Variants in LPIN1 observed in about 807,000 individuals in gnomAD.
LPIN1 encodes the protein lipin 1.
LPIN1 carries 71 observed loss-of-function variants against 107.5 expected under a neutral mutation model. The observed-to-expected ratio is 0.66, with a 90% confidence interval of 0.55 to 0.80. The LOEUF is 0.80. Among genes scored for constraint, LPIN1 ranks in the 30% least tolerant of loss-of-function variants. The pLI, the probability that LPIN1 is intolerant of heterozygous loss-of-function variation, is 0.00. For missense variants in LPIN1, 1,043 were observed against 1,160.6 expected, an observed-to-expected ratio of 0.90 and a Z score of 1.47; for synonymous variants, 445 against 452.6, an observed-to-expected ratio of 0.98 and a Z score of 0.21.
At position 11,693,783 on chromosome 2, in the gene LPIN1, A is replaced by AGT. The variant is rs1251379087; in HGVS notation, c.81+16060_81+16061dup. Among the ~76,000 whole-genome samples, 192 of 71,574 alleles carry AGT rather than the reference A, an allele frequency of 2.7e-3. 2 individuals are homozygous for AGT. Among genetic ancestry groups the AGT allele is most frequent in the African/African-American group, 0.012 (161 of 13,294 alleles). The allele number at this position is 71,574 out of a possible 152,430, so 47.0% of individuals were successfully genotyped here. A position where few individuals can be genotyped will look rare whatever the true frequency, so the allele number is the denominator to read the frequency against. On this transcript the variant is annotated intron_variant, in intron 1 of 21. Transcript: ENST00000449576. ...CAAGAGCCATATATGTGTGTGTGTG[A>AGT]GTGTGTATATATATATATATATATA...
intron 1 of LPIN1, among the ~76,000 whole-genome samples, chr2:11,759,436 C>A (rs777606922): frequency 6.6e-6 from 1 of 152,042 alleles, no homozygotes; most frequent in Non-Finnish European, 1.5e-5. Context: ...CATCTTGCAC[C>A]GCCCTTAATC....
intron 1 of LPIN1, among the ~76,000 whole-genome samples, chr2:11,696,231 G>A (rs1662572611): frequency 6.7e-6 from 1 of 150,000 alleles, no homozygotes; most frequent in Admixed American, 6.7e-5. Flanking sequence ...CCCTCCCTGT[G>A]TCCATGTGTT....
chr2:11,728,593 C>T (rs1165644562), intron 1 of LPIN1, among the ~76,000 whole-genome samples: 1 of 152,070 alleles, frequency 6.6e-6, no homozygotes, highest in Admixed American at 6.5e-5. Context: ...ACCATGTTGC[C>T]CAGGCTGGTC....
At chr2:11,795,066 T>C (rs1278177889) in intron 13 of LPIN1, among the ~76,000 whole-genome samples, 1 of 152,208 alleles carries the variant, frequency 6.6e-6, no homozygotes, top group Non-Finnish European at 1.5e-5. Context: ...CAAGAAAATA[T>C]TTTGAAAGGC....
At chr2:11,682,748 T>C (rs2148500561) in intron 1 of LPIN1, 1 of 152,322 alleles carries the variant, frequency 6.6e-6, no homozygotes, top group Non-Finnish European at 1.5e-5. Flanking sequence ...GGTGTCACCA[T>C]CTCGGTGTCC....
At chr2:11,716,976 T>C (rs538722928) in intron 2 of LPIN1, among the ~76,000 whole-genome samples, 1 of 152,336 alleles carries the variant, frequency 6.6e-6, no homozygotes, top group South Asian at 2.1e-4. Flanking sequence ...CCTGGCCCAG[T>C]TACTGGAAAC....
At chr2:11,726,281 C>T (rs1404958073) in intron 1 of LPIN1, among the ~76,000 whole-genome samples, 1 of 152,162 alleles carries the variant, frequency 6.6e-6, no homozygotes, top group African/African-American at 2.4e-5. Context: ...CAGGACAAAA[C>T]GCTAACTCCT....
chr2:11,680,291 C>T (rs774326241), intron 1 of LPIN1, among the ~76,000 whole-genome samples: 62 of 152,170 alleles, frequency 4.1e-4, no homozygotes, highest in Non-Finnish European at 6.5e-4. Flanking sequence ...CGTGAGCCCT[C>T]GGAGGCACCT....
At chr2:11,702,827 A>G (rs1662940466) in intron 1 of LPIN1, among the ~76,000 whole-genome samples, 1 of 151,614 alleles carries the variant, frequency 6.6e-6, no homozygotes, top group African/African-American at 2.4e-5. Flanking sequence ...GGCACAAGCT[A>G]CTCTTGTTTG....
At position 11,791,896 on chromosome 2, in the gene LPIN1, A is replaced by G. The variant is rs1183919023; in HGVS notation, c.1714-18A>G. On this transcript the variant is annotated intron_variant, in intron 12 of 20. Transcript: ENST00000674199. Reference sequence around the variant, plus strand: ...CTTTTTTTGTTCCATTATTTATGTTACCATCCATTTAAAACAGGCCACTGT... The same window carrying G: ...CTTTTTTTGTTCCATTATTTATGTTGCCATCCATTTAAAACAGGCCACTGT... 3.1e-6 allele frequency: 5 copies of G among 1,612,400 alleles called. No individual in the cohort carries two copies. The highest frequency in any genetic ancestry group is 2.2e-5 in the East Asian group (1 of 44,832).
Position 11,757,864 on chromosome 2 carries a change from T to G in LPIN1, c.-9-7669T>G, listed in dbSNP as rs560228035. 2.0e-5 allele frequency among the ~76,000 whole-genome samples: 3 copies of G among 152,358 alleles called. No homozygotes were observed. In the South Asian group the frequency reaches 6.2e-4, roughly 32 times the overall value. On this transcript the variant is annotated intron_variant, in intron 1 of 20. Coordinates refer to ENST00000674199, the MANE Select transcript of LPIN1 (RefSeq NM_001349206.2). ...CATAAAATTTGCCATTTTAACCATC[T>G]TTAAGTGTGTGGTTCAGTGGCAAAA...
intron 1 of LPIN1, among the ~76,000 whole-genome samples, chr2:11,750,887 A>G (rs975500456): frequency 2.6e-5 from 4 of 152,210 alleles, no homozygotes; most frequent in African/African-American, 7.2e-5. Context: ...ATACAGAAAT[A>G]AAGTTATAAG....
intron 1 of LPIN1, chr2:11,683,125 C>T (rs529831393): frequency 1.3e-5 from 2 of 152,310 alleles, no homozygotes; most frequent in South Asian, 4.1e-4. Flanking sequence ...GTTTGTGACG[C>T]TTGTGATTGT....
At chr2:11,805,282 G>A (rs1281226485) in intron 17 of LPIN1, 126 bp downstream of exon 17, 20 of 760,332 alleles carry the variant, frequency 2.6e-5, no homozygotes, top group South Asian at 2.5e-4. Flanking sequence ...CAACCAGGGA[G>A]GGGCAGTGGG....
chr2:11,736,494 T>G (rs1020813154), intron 1 of LPIN1, among the ~76,000 whole-genome samples: 4 of 152,154 alleles, frequency 2.6e-5, no homozygotes, highest in Non-Finnish European at 2.9e-5. Context: ...TCATCTGAAC[T>G]TAATCACCTC....
intron 1 of LPIN1, among the ~76,000 whole-genome samples, chr2:11,706,277 G>C (rs1663125714): frequency 6.6e-6 from 1 of 152,212 alleles, no homozygotes; most frequent in Non-Finnish European, 1.5e-5. Context: ...TGAACTGCAG[G>C]GTGGTACAGG....
chr2:11,733,364 T>C (rs1665446352), intron 1 of LPIN1, among the ~76,000 whole-genome samples: 1 of 152,178 alleles, frequency 6.6e-6, no homozygotes. Context: ...TATGAAAGTG[T>C]ATGGACACAA....
intron 1 of LPIN1, among the ~76,000 whole-genome samples, chr2:11,748,617 T>C (rs1667320157): frequency 6.6e-6 from 1 of 152,200 alleles, no homozygotes; most frequent in South Asian, 2.1e-4. Flanking sequence ...GTTGGGACAG[T>C]CCTGGCTGAC....
At chr2:11,717,657 A>C (rs4668740) in intron 2 of LPIN1, among the ~76,000 whole-genome samples, 1 of 152,136 alleles carries the variant, frequency 6.6e-6, no homozygotes, top group Non-Finnish European at 1.5e-5. Context: ...TTTAAAAAAA[A>C]TTATTTAGCA....
Sources: allele counts gnomAD v4.1 joint callset (sites outside exome capture counted in the v4.1 genomes callset), GRCh38; gene constraint gnomAD v4.1.1; transcripts MANE v1.5; gene names NCBI Gene and HGNC (gene_info 2026-07-23, HGNC 2026-07-21).